Variants in CYP7B1 observed in about 807,000 individuals in gnomAD.
CYP7B1 encodes cytochrome P450 family 7 subfamily B member 1.
In CYP7B1, 29 loss-of-function variants were observed where a neutral mutation model predicts 42.7. That is an observed-to-expected ratio of 0.68 (90% confidence interval 0.51 to 0.93). The LOEUF (loss-of-function observed/expected upper bound fraction) is 0.93, where lower values mean the gene tolerates loss of function less well. CYP7B1 is among the 40% of genes least tolerant of loss of function. The pLI, the probability that CYP7B1 is intolerant of heterozygous loss-of-function variation, is 0.00. For synonymous variants in CYP7B1, 235 were observed against 218.2 expected, an observed-to-expected ratio of 1.08 and a Z score of -0.68; for missense variants, 655 against 600.5, an observed-to-expected ratio of 1.09 and a Z score of -0.95.
At chr8:64,696,939 A>T (rs1480152985) in intron 1 of CYP7B1, among the ~76,000 whole-genome samples, 1 of 152,182 alleles carries the variant, frequency 6.6e-6, no homozygotes, top group African/African-American at 2.4e-5. Flanking sequence ...CATTTCTGGA[A>T]TTTTGTGAAA....
chr8:64,725,673 G>A (rs1402069421), intron 1 of CYP7B1, among the ~76,000 whole-genome samples: 1 of 152,186 alleles, frequency 6.6e-6, no homozygotes, highest in Non-Finnish European at 1.5e-5. Context: ...GCAGAGAGTG[G>A]GAGAGGAAGG....
intron 1 of CYP7B1, among the ~76,000 whole-genome samples, chr8:64,755,945 C>G (rs951299694): frequency 2.0e-5 from 3 of 152,104 alleles, no homozygotes; most frequent in Admixed American, 2.0e-4. Context: ...TAATTCCTAG[C>G]TAGTACACCA....
chr8:64,798,430 A>G, intron 1 of CYP7B1, 36 bp downstream of exon 1: 1 of 1,492,946 alleles, frequency 6.7e-7, no homozygotes, highest in East Asian at 2.7e-5. Context: ...CGCGGGGCCC[A>G]GGGCGCATGC....
intron 1 of CYP7B1, among the ~76,000 whole-genome samples, chr8:64,763,284 C>A (rs942853836): frequency 6.6e-6 from 1 of 152,196 alleles, no homozygotes; most frequent in African/African-American, 2.4e-5. Flanking sequence ...CCACGGTTCT[C>A]TTCTGTGACC....
intron 1 of CYP7B1, among the ~76,000 whole-genome samples, chr8:64,753,097 AAGAGAAGACTTTTATTTATAAAGTAC>A (rs1263953030): frequency 6.6e-6 from 1 of 152,222 alleles, no homozygotes; most frequent in Non-Finnish European, 1.5e-5. Context: ...TGAAGATTTA[AAGAGAAGACTTTTATTTATAAAGTAC>A]AAGAATACAA....
chr8:64,758,072 C>T (rs1375133824), intron 1 of CYP7B1, among the ~76,000 whole-genome samples: 1 of 152,198 alleles, frequency 6.6e-6, no homozygotes, highest in East Asian at 1.9e-4. Flanking sequence ...ATGCACAAGC[C>T]TCTGCTTCAG....
intron 1 of CYP7B1, among the ~76,000 whole-genome samples, chr8:64,730,419 C>T (rs1807391398): frequency 1.3e-5 from 2 of 151,944 alleles, no homozygotes; most frequent in African/African-American, 4.8e-5. Context: ...TGTAAAATAT[C>T]CCATAGGTTT....
At chr8:64,720,111 C>T (rs765261077) in intron 1 of CYP7B1, among the ~76,000 whole-genome samples, 27 of 152,136 alleles carry the variant, frequency 1.8e-4, no homozygotes, top group Non-Finnish European at 3.8e-4. Context: ...ACCCACTTTA[C>T]ATTTATTTGT....
chr8:64,791,433 C>A (rs1015157914), intron 1 of CYP7B1, among the ~76,000 whole-genome samples: 1 of 152,098 alleles, frequency 6.6e-6, no homozygotes, highest in Non-Finnish European at 1.5e-5. Context: ...ATTATCAGCA[C>A]GGGCCCGAGG....
chr8:64,614,410 AGTT>A (rs1805403633), intron 4 of CYP7B1, among the ~76,000 whole-genome samples: 1 of 152,098 alleles, frequency 6.6e-6, no homozygotes, highest in Non-Finnish European at 1.5e-5. Flanking sequence ...AATAGTTTGT[AGTT>A]GTTGCTTTTC....
chr8:64,694,188 TAAGAA>T (rs914385973), intron 1 of CYP7B1, among the ~76,000 whole-genome samples: 17 of 152,182 alleles, frequency 1.1e-4, no homozygotes, highest in Non-Finnish European at 2.4e-4. Context: ...CCCAAATTCA[TAAGAA>T]AAGAAATAAT....
At chr8:64,691,331 A>AG (rs1806737975) in intron 1 of CYP7B1, among the ~76,000 whole-genome samples, 1 of 152,100 alleles carries the variant, frequency 6.6e-6, no homozygotes, top group Non-Finnish European at 1.5e-5. Context: ...GACAGGAGAA[A>AG]CCAAATGGCT....
chr8:64,660,819 A>AG (rs2129631417), intron 1 of CYP7B1, among the ~76,000 whole-genome samples: 1 of 152,328 alleles, frequency 6.6e-6, no homozygotes, highest in Non-Finnish European at 1.5e-5. Context: ...CTGCCCTCTG[A>AG]GAGGCATCAT....
At chr8:64,616,471 TAG>T (rs759892692) in intron 2 of CYP7B1, among the ~76,000 whole-genome samples, 190 bp from the exon 3 acceptor site, 14 of 152,310 alleles carry the variant, frequency 9.2e-5, no homozygotes, top group Non-Finnish European at 1.8e-4. Flanking sequence ...GAAAACACTC[TAG>T]AAACGTGAAG....
chr8:64,738,964 C>A (rs1165209935), intron 1 of CYP7B1, among the ~76,000 whole-genome samples: 1 of 152,174 alleles, frequency 6.6e-6, no homozygotes, highest in Non-Finnish European at 1.5e-5. Flanking sequence ...TGGGTTTTAC[C>A]TCCAGGAACC....
At chr8:64,791,853 C>A (rs1277744093) in intron 1 of CYP7B1, among the ~76,000 whole-genome samples, 1 of 152,112 alleles carries the variant, frequency 6.6e-6, no homozygotes, top group Non-Finnish European at 1.5e-5. Flanking sequence ...TAAAAGAATT[C>A]TGAGGAGAAT....
chr8:64,643,190 TATACACACACAC>T (rs1805893708), intron 1 of CYP7B1, among the ~76,000 whole-genome samples: 2 of 83,634 alleles, frequency 2.4e-5, no homozygotes, highest in Admixed American at 1.3e-4. Context: ...TACATATATA[TATACACACACAC>T]ACACACACAC....
At chr8:64,654,917 G>A (rs1345091524) in intron 1 of CYP7B1, among the ~76,000 whole-genome samples, 1 of 152,152 alleles carries the variant, frequency 6.6e-6, no homozygotes, top group African/African-American at 2.4e-5. Flanking sequence ...AACAAGCAAT[G>A]AGGAAAACAT....
chr8:64,776,059 T>G (rs1034448909), intron 1 of CYP7B1, among the ~76,000 whole-genome samples: 5 of 152,272 alleles, frequency 3.3e-5, no homozygotes, highest in Admixed American at 2.6e-4. Flanking sequence ...TCTCTTTCAA[T>G]AAGGAGATGT....
Sources: allele counts gnomAD v4.1 joint callset (sites outside exome capture counted in the v4.1 genomes callset), GRCh38; gene constraint gnomAD v4.1.1; transcripts MANE v1.5; gene names NCBI Gene and HGNC (gene_info 2026-07-23, HGNC 2026-07-21).